Variants in CD46 observed in about 807,000 individuals in gnomAD.
CD46 encodes membrane cofactor protein.
CD46 carries 30 observed loss-of-function variants against 53.3 expected under a neutral mutation model. The observed-to-expected ratio is 0.56, with a 90% CI of 0.42 to 0.76. CD46 has a LOEUF of 0.76. Among genes scored for constraint, CD46 ranks in the 30% least tolerant of loss-of-function variants. CD46 has a pLI of 0.00. For synonymous variants in CD46, 142 were observed against 152.0 expected (o/e 0.93, Z 0.48); for missense variants, 409 against 463.0 (o/e 0.88, Z 1.07).
chr1:207,753,794 G>A (rs1401902950), intron 1 of CD46, among the ~76,000 whole-genome samples: 1 of 152,188 alleles, frequency 6.6e-6, no homozygotes, highest in Non-Finnish European at 1.5e-5. Flanking sequence ...TCATGTGCGC[G>A]TCATGTGTAT....
chr1:207,775,788 C>A (rs1306062696), intron 8 of CD46, among the ~76,000 whole-genome samples: 3 of 152,204 alleles, frequency 2.0e-5, no homozygotes, highest in Admixed American at 6.5e-5. Context: ...TCGGCCGCTA[C>A]TGGGAGGTCT....
chr1:207,760,889 A>G lies in CD46; in HGVS notation c.476-360A>G, dbSNP rs1437080860. The G allele has an allele frequency of 1.2e-5, 3 of 254,940 alleles. No individual in the cohort carries two copies. In the East Asian group the frequency reaches 3.2e-4, roughly 27 times the overall value. The allele number at this position is 254,940 out of a possible 1,614,324, so 15.8% of individuals were successfully genotyped here. ...GTATCACGAGAACAGCACCAAGGGG[A>G]CGGTGCTAAACCATTCATGAGAAAT... On this transcript the variant is annotated intron_variant, in intron 4 of 12. Transcript: ENST00000367042.
chr1:207,765,900 A>C (rs1257904457), intron 5 of CD46, among the ~76,000 whole-genome samples: 1 of 152,226 alleles, frequency 6.6e-6, no homozygotes, highest in East Asian at 1.9e-4. Context: ...GCAAATCGCC[A>C]CATGTTCTTG....
rs1174046722 is a variant in CD46 at position 207,757,010 on chromosome 1, C to T, written c.98-4C>T. The T allele has an allele frequency of 1.2e-6, 2 of 1,612,058 alleles. No individual in the cohort carries two copies. Among genetic ancestry groups the T allele is most frequent in the Non-Finnish European group, 1.7e-6 (2 of 1,178,180 alleles). ...TCTTCATGTTCCTATTCTCTTATCC[C>T]TAGATGCCTGTGAGGAGCCACCAAC... On this transcript the variant is annotated splice_region_variant and splice_polypyrimidine_tract_variant and intron_variant, in intron 1 of 12. Transcript: ENST00000367042.
At chr1:207,772,584 A>C (rs569477331) in intron 8 of CD46, among the ~76,000 whole-genome samples, 1 of 152,288 alleles carries the variant, frequency 6.6e-6, no homozygotes, top group African/African-American at 2.4e-5. Context: ...ATCAATACCT[A>C]GTTTATTGAG....
rs2102538604 is a variant in CD46, at chr1:207,757,120, C to T, written c.204C>T (p.Tyr68=). ...TAGATTATAAGTGTAAAAAAGGATA[C>T]TTCTATATACCTCCTCTTGCCACCC... ...ERVDYKCKKG[Y]FYIPPLATHT... The change falls in exon 2 of 13, where the codon TAC becomes TAT. Residue 68 remains tyrosine (Y), a synonymous_variant. Coordinates refer to ENST00000367042, the MANE Select transcript of CD46 (RefSeq NM_172351.3). 4.3e-6 allele frequency: 7 copies of T among 1,613,822 alleles called. No individual in the cohort carries two copies. The highest frequency in any genetic ancestry group is 1.1e-5 in the South Asian group (1 of 91,078).
Position 207,793,800 on chromosome 1 carries a change from A to C in CD46, c.*323A>C, listed in dbSNP as rs1660018488. ...GATTGCCTGCTTTCCCTTAAATAAC[A>C]CTTAGATTTATTGGACCAGTCAGCA... On this transcript the variant is annotated 3_prime_UTR_variant, in exon 13 of 13. Coordinates refer to ENST00000367042, the MANE Select transcript of CD46 (RefSeq NM_172351.3). 1.6e-6 allele frequency: 1 copy of C among 623,924 alleles called. No homozygotes were observed. The highest frequency in any genetic ancestry group is 2.9e-6 in the Non-Finnish European group (1 of 339,412). The allele number at this position is 623,924 out of a possible 1,614,324, so 38.6% of individuals were successfully genotyped here. A position where few individuals can be genotyped will look rare whatever the true frequency, so the allele number is the denominator to read the frequency against.
chr1:207,789,920 A>G (rs974388891), intron 11 of CD46, among the ~76,000 whole-genome samples: 2 of 150,540 alleles, frequency 1.3e-5, no homozygotes, highest in African/African-American at 4.9e-5. Flanking sequence ...AGAGACCGGT[A>G]CCATTTCTCC....
At chr1:207,772,478 C>T (rs1657620359) in intron 8 of CD46, among the ~76,000 whole-genome samples, 1 of 152,254 alleles carries the variant, frequency 6.6e-6, no homozygotes, top group Non-Finnish European at 1.5e-5. Context: ...TTGTCTTGTG[C>T]CGGTTTCCAA....
intron 4 of CD46, chr1:207,759,963 G>A (rs1309355108): frequency 2.8e-6 from 1 of 355,346 alleles, no homozygotes; most frequent in Non-Finnish European, 4.9e-6. Flanking sequence ...CCCAGGCTGG[G>A]GTGCAGTGGC....
chr1:207,792,067 A>G (rs1272380939), intron 12 of CD46, among the ~76,000 whole-genome samples: 1 of 152,098 alleles, frequency 6.6e-6, no homozygotes, highest in African/African-American at 2.4e-5. Flanking sequence ...CGGATCACTT[A>G]AGGTTTGAGA....
chr1:207,766,356 A>G (rs1226512381), intron 5 of CD46, among the ~76,000 whole-genome samples: 2 of 152,192 alleles, frequency 1.3e-5, no homozygotes, highest in Non-Finnish European at 2.9e-5. Context: ...AGACACAACA[A>G]AAGGTCAGTG....
intron 2 of CD46, 120 bp from the exon 3 acceptor site, chr1:207,757,420 T>C (rs1318086835): frequency 1.3e-6 from 1 of 797,026 alleles, no homozygotes; most frequent in Non-Finnish European, 2.1e-6. Context: ...TTTGCCCTTA[T>C]AATAAGTAAA....
intron 11 of CD46, among the ~76,000 whole-genome samples, chr1:207,788,360 C>CAAAAAAAAA (rs1205954774): frequency 5.0e-5 from 4 of 80,086 alleles, no homozygotes; most frequent in African/African-American, 8.0e-5. Context: ...ACTAAAAATA[C>CAAAAAAAAA]AAAAAAAAAA....
intron 1 of CD46, among the ~76,000 whole-genome samples, chr1:207,755,841 A>C (rs1030797664): frequency 2.0e-5 from 3 of 152,360 alleles, no homozygotes; most frequent in Non-Finnish European, 4.4e-5. Context: ...TATGAAATTG[A>C]TTACAATATA....
intron 8 of CD46, among the ~76,000 whole-genome samples, chr1:207,779,911 G>GTTTTTTTTT (rs1163376440): frequency 3.9e-5 from 1 of 25,816 alleles, no homozygotes; most frequent in African/African-American, 1.3e-4. Flanking sequence ...GCAAAAGCAA[G>GTTTTTTTTT]TCTTTTTTTT....
chr1:207,787,659 T>C (rs990289969), intron 11 of CD46, among the ~76,000 whole-genome samples: 1 of 152,222 alleles, frequency 6.6e-6, no homozygotes, highest in Non-Finnish European at 1.5e-5. Context: ...AAACTCCTAA[T>C]TGCCTTTGAA....
rs1660077600 is a variant in CD46, at chr1:207,794,505, T to C, written c.*1028T>C. 1 of 152,200 alleles carries C rather than the reference T, an allele frequency of 6.6e-6. No homozygotes were observed. Among genetic ancestry groups the C allele is most frequent in the South Asian group, 2.1e-4 (1 of 4,832 alleles). The allele number at this position is 152,200 out of a possible 1,614,324, so 9.4% of individuals were successfully genotyped here. A position where few individuals can be genotyped will look rare whatever the true frequency, so the allele number is the denominator to read the frequency against. On this transcript the variant is annotated 3_prime_UTR_variant, in exon 13 of 13. Coordinates refer to ENST00000367042, the MANE Select transcript of CD46 (RefSeq NM_172351.3). Reference sequence around the variant, plus strand: ...ACATGCCCTCTAAAAGTAGGTGGTTTTGAAGAGAATAAATTCATCAGATAA... The same window carrying C: ...ACATGCCCTCTAAAAGTAGGTGGTTCTGAAGAGAATAAATTCATCAGATAA...
intron 9 of CD46, chr1:207,783,875 ACACTT>A (rs1303427773): frequency 6.5e-6 from 1 of 152,708 alleles, no homozygotes; most frequent in Non-Finnish European, 1.5e-5. Context: ...AAACTGTTAA[ACACTT>A]GATAACTGTT....
Sources: allele counts gnomAD v4.1 joint callset (sites outside exome capture counted in the v4.1 genomes callset), GRCh38; gene constraint gnomAD v4.1.1; transcripts MANE v1.5; gene names NCBI Gene and HGNC (gene_info 2026-07-23, HGNC 2026-07-21).